ARHGAP21: variants seen among roughly 807,000 people sequenced by gnomAD.
ARHGAP21 encodes the protein Rho GTPase activating protein 21, also known as rho GTPase-activating protein 21.
In ARHGAP21, 38 loss-of-function variants were observed where a neutral mutation model predicts 164.6. The ratio of observed to expected loss-of-function variants is 0.23; its 90% confidence interval spans 0.18 to 0.30. The LOEUF (loss-of-function observed/expected upper bound fraction) is 0.30, where lower values mean the gene tolerates loss of function less well. ARHGAP21 is among the 10% of genes least tolerant of loss of function. The pLI is 1.00. For synonymous variants in ARHGAP21, 766 were observed against 857.9 expected (o/e 0.89, Z 1.87); for missense variants, 1,822 against 2,370.7 (o/e 0.77, Z 4.81).
chr10:24,652,821 G>A (rs558074308), intron 4 of ARHGAP21, among the ~76,000 whole-genome samples: 96 of 152,200 alleles, frequency 6.3e-4, no homozygotes, highest in Non-Finnish European at 1.2e-3. Context: ...TGCTGAGTGT[G>A]TAAATGGGTA....
chr10:24,699,869 T>A (rs1290092309), intron 2 of ARHGAP21, among the ~76,000 whole-genome samples: 1 of 152,152 alleles, frequency 6.6e-6, no homozygotes, highest in Non-Finnish European at 1.5e-5. Flanking sequence ...TGACACATAG[T>A]TAAGTACTCA....
chr10:24,651,973 G>C (rs1322591880), intron 4 of ARHGAP21, among the ~76,000 whole-genome samples: 1 of 152,134 alleles, frequency 6.6e-6, no homozygotes, highest in Non-Finnish European at 1.5e-5. Context: ...TGTTGTTTTG[G>C]TGCAAAGAAA....
At chr10:24,677,907 AG>A (rs1034068960) in intron 2 of ARHGAP21, among the ~76,000 whole-genome samples, 44 of 152,290 alleles carry the variant, frequency 2.9e-4, no homozygotes, top group African/African-American at 1.0e-3. Context: ...TTAAAATTTT[AG>A]TTCTTTTTTA....
intron 4 of ARHGAP21, among the ~76,000 whole-genome samples, chr10:24,648,340 T>C (rs1837792352): frequency 1.3e-5 from 2 of 152,244 alleles, no homozygotes; most frequent in Admixed American, 6.5e-5. Flanking sequence ...AAAAGGTCTA[T>C]AGCTTTCGAA....
chr10:24,615,958 T>G (rs567871896), intron 9 of ARHGAP21, among the ~76,000 whole-genome samples: 1 of 152,094 alleles, frequency 6.6e-6, no homozygotes, highest in South Asian at 2.1e-4. Flanking sequence ...TATTTTTTTT[T>G]GTAGAGATGG....
chr10:24,591,839 T>TCTTGCAGAGATGAAGCATGAA, intron 22 of ARHGAP21, 48 bp downstream of exon 22: 2 of 1,592,942 alleles, frequency 1.3e-6, no homozygotes, highest in African/African-American at 1.4e-5. Context: ...AAATGAATTT[T>TCTTGCAGAGATGAAGCATGAA]CTTGCAGAGA....
At chr10:24,705,516 T>C (rs534976584) in intron 2 of ARHGAP21, among the ~76,000 whole-genome samples, 7 of 152,278 alleles carry the variant, frequency 4.6e-5, no homozygotes, top group Admixed American at 6.5e-5. Context: ...AAGAAAAGTA[T>C]TGGACACCCC....
chr10:24,689,936 ATATATGTATATG>A (rs1277992077), intron 2 of ARHGAP21, among the ~76,000 whole-genome samples: 16 of 142,332 alleles, frequency 1.1e-4, no homozygotes, highest in African/African-American at 2.2e-4. Context: ...ATGTATATGT[ATATATGTATATG>A]TGTGTGTGTG....
intron 4 of ARHGAP21, among the ~76,000 whole-genome samples, chr10:24,661,720 G>A (rs1839708948): frequency 6.6e-6 from 1 of 152,042 alleles, no homozygotes; most frequent in African/African-American, 2.4e-5. Context: ...AGTTATCAAA[G>A]GAAATGAGAC....
chr10:24,653,675 C>G (rs1256584381), intron 4 of ARHGAP21, among the ~76,000 whole-genome samples: 1 of 152,110 alleles, frequency 6.6e-6, no homozygotes, highest in East Asian at 1.9e-4. Context: ...CTGTCCTCAG[C>G]CTTCCCAGTA....
At chr10:24,594,867 G>C (rs1220910838) in intron 21 of ARHGAP21, 83 bp downstream of exon 21, 1 of 1,140,852 alleles carries the variant, frequency 8.8e-7, no homozygotes, top group Non-Finnish European at 1.2e-6. Flanking sequence ...ACCTTTTATT[G>C]ACTATTTGGC....
chr10:24,678,317 G>GT, intron 2 of ARHGAP21, among the ~76,000 whole-genome samples: 1 of 152,160 alleles, frequency 6.6e-6, no homozygotes, highest in African/African-American at 2.4e-5. Context: ...ATCACATTAT[G>GT]TAAGTGTATA....
intron 4 of ARHGAP21, among the ~76,000 whole-genome samples, chr10:24,646,789 A>G (rs1837615330): frequency 6.6e-6 from 1 of 152,240 alleles, no homozygotes; most frequent in African/African-American, 2.4e-5. Flanking sequence ...CAATGATTTG[A>G]TCATTATACA....
chr10:24,630,684 G>C (rs1008967934), intron 6 of ARHGAP21, among the ~76,000 whole-genome samples: 1 of 152,126 alleles, frequency 6.6e-6, no homozygotes, highest in African/African-American at 2.4e-5. Flanking sequence ...GTAGAGAGGA[G>C]GGCTCACCAC....
chr10:24,654,415 C>A (rs955418761), intron 4 of ARHGAP21, among the ~76,000 whole-genome samples: 1 of 152,182 alleles, frequency 6.6e-6, no homozygotes, highest in African/African-American at 2.4e-5. Flanking sequence ...GGCTGATAAG[C>A]AAATTCAGCA....
At chr10:24,655,586 T>A (rs1838736560) in intron 4 of ARHGAP21, among the ~76,000 whole-genome samples, 3 of 149,954 alleles carry the variant, frequency 2.0e-5, no homozygotes, top group Non-Finnish European at 4.4e-5. Context: ...AGCAGCCGCC[T>A]GCCTTGGCCT....
chr10:24,656,517 T>TG (rs1593188456), intron 4 of ARHGAP21, among the ~76,000 whole-genome samples: 1 of 33,618 alleles, frequency 3.0e-5, no homozygotes, highest in Admixed American at 2.6e-4. Context: ...GGAGGGAGGT[T>TG]GGGGGGTCAG....
intron 3 of ARHGAP21, among the ~76,000 whole-genome samples, chr10:24,668,361 T>G (rs1265922188): frequency 6.6e-6 from 1 of 152,216 alleles, no homozygotes; most frequent in African/African-American, 2.4e-5. Context: ...CCAGGTCCTA[T>G]GGTTCCTTCC....
chr10:24,586,122 GAA>G lies in ARHGAP21; in HGVS notation c.4183-18_4183-17del. ...CCCAAGAACCCTGGGAAGCAAGAGA[GAA>G]GAAAGACTCTGAGCATAAGAATGCA... On this transcript the variant is annotated splice_polypyrimidine_tract_variant and intron_variant, in intron 25 of 25. Transcript: ENST00000396432. The G allele has an allele frequency of 6.4e-7, 1 of 1,554,924 alleles. No homozygotes were observed. The highest frequency in any genetic ancestry group is 8.6e-7 in the Non-Finnish European group (1 of 1,156,822).
Sources: allele counts gnomAD v4.1 joint callset (sites outside exome capture counted in the v4.1 genomes callset), GRCh38; gene constraint gnomAD v4.1.1; transcripts MANE v1.5; gene names NCBI Gene and HGNC (gene_info 2026-07-23, HGNC 2026-07-21).